Variants in AGBL1 observed in about 807,000 individuals in gnomAD.
The protein encoded by AGBL1 is AGBL carboxypeptidase 1, also known as cytosolic carboxypeptidase 4.
In AGBL1, 130 loss-of-function variants were observed where a neutral mutation model predicts 118.9. The ratio of observed to expected loss-of-function variants is 1.09; its 90% CI spans 0.95 to 1.26. AGBL1 has a LOEUF of 1.26. Ranked by LOEUF, AGBL1 falls within the 50% of genes most tolerant of loss-of-function variation. AGBL1 has a pLI of 0.00. For missense variants in AGBL1, 1,584 were observed against 1,298.1 expected (o/e 1.22, Z -3.38); for synonymous variants, 555 against 478.9 (o/e 1.16, Z -2.08).
intron 5 of AGBL1, among the ~76,000 whole-genome samples, chr15:86,196,557 G>A (rs532181599): frequency 6.6e-6 from 1 of 152,236 alleles, no homozygotes; most frequent in Non-Finnish European, 1.5e-5. Context: ...TAAGCACCTG[G>A]ATACACATGG....
At chr15:86,580,325 T>C (rs2084156033) in intron 21 of AGBL1, among the ~76,000 whole-genome samples, 1 of 152,200 alleles carries the variant, frequency 6.6e-6, no homozygotes, top group African/African-American at 2.4e-5. Context: ...GTATTGAAAG[T>C]ATACTTTTGG....
chr15:86,724,294 A>G (rs906254545), intron 22 of AGBL1, among the ~76,000 whole-genome samples: 1 of 151,944 alleles, frequency 6.6e-6, no homozygotes, highest in Non-Finnish European at 1.5e-5. Context: ...ATGGCTAAAA[A>G]TCAATGACAA....
chr15:86,962,539 A>G (rs943002968), intron 23 of AGBL1, among the ~76,000 whole-genome samples: 3 of 152,048 alleles, frequency 2.0e-5, no homozygotes, highest in African/African-American at 7.2e-5. Flanking sequence ...ATTCTTATTA[A>G]TAACACTTCT....
chr15:86,140,456 C>T (rs1951803018), intron 1 of AGBL1, among the ~76,000 whole-genome samples: 1 of 152,086 alleles, frequency 6.6e-6, no homozygotes, highest in African/African-American at 2.4e-5. Flanking sequence ...TTCCATTCAA[C>T]AAATATTTGC....
In AGBL1 at chr15:86,976,884, C is replaced by T. The variant is rs188352818; in HGVS notation, c.3222-11103C>T. 2.0e-5 allele frequency among the ~76,000 whole-genome samples: 3 copies of T among 152,076 alleles called. No individual in the cohort carries two copies. The East Asian group carries it at 5.8e-4, about 29-fold the overall frequency. On this transcript the variant is annotated intron_variant, in intron 23 of 24. Transcript: ENST00000441037. ...GTGTATGGATCTGTTGCTGTCCTCA[C>T]TCAAGTTGTTTGTCTTCTTAGTGAT...
chr15:86,507,862 G>A (rs754600904), intron 18 of AGBL1, among the ~76,000 whole-genome samples: 1 of 152,030 alleles, frequency 6.6e-6, no homozygotes, highest in Non-Finnish European at 1.5e-5. Context: ...CAGGATTAGG[G>A]GTATGTGATA....
intron 18 of AGBL1, among the ~76,000 whole-genome samples, chr15:86,488,123 G>C (rs561118445): frequency 6.6e-5 from 10 of 152,042 alleles, no homozygotes; most frequent in Non-Finnish European, 1.2e-4. Context: ...ATAACAGCTG[G>C]AAGTTGATGG....
At position 86,353,386 on chromosome 15, in the gene AGBL1, G is replaced by A. The variant is rs57839293; in HGVS notation, c.2375-43980G>A. The stretch of plus-strand genomic sequence containing the variant: ...AATACAAAGCAATATTCTTAATAGC[G>A]AGGATGTATCTAATGGGCTGCCACT... On this transcript the variant is annotated intron_variant, in intron 17 of 22. Transcript: ENST00000614907. Among the ~76,000 whole-genome samples, 713 of 152,286 alleles carry A rather than the reference G, an allele frequency of 4.7e-3. 2 individuals carry two copies. Among genetic ancestry groups the A allele is most frequent in the African/African-American group, 0.016 (664 of 41,560 alleles).
At chr15:86,417,154 T>C (rs1596087805) in intron 18 of AGBL1, among the ~76,000 whole-genome samples, 1 of 152,246 alleles carries the variant, frequency 6.6e-6, no homozygotes, top group African/African-American at 2.4e-5. Flanking sequence ...TGTGAACTTA[T>C]TTCCTCTCAT....
At chr15:86,835,240 G>T (rs2079155136) in intron 22 of AGBL1, among the ~76,000 whole-genome samples, 1 of 151,872 alleles carries the variant, frequency 6.6e-6, no homozygotes, top group Admixed American at 6.6e-5. Context: ...CATATATCTA[G>T]GTCTTTCACA....
chr15:86,905,892 T>C (rs1301156745), intron 22 of AGBL1, among the ~76,000 whole-genome samples: 2 of 152,204 alleles, frequency 1.3e-5, no homozygotes, highest in African/African-American at 4.8e-5. Context: ...AACAATTTAA[T>C]GTTGTGATGC....
chr15:86,102,303 A>C (rs563848848), intron 1 of AGBL1, among the ~76,000 whole-genome samples: 2 of 151,952 alleles, frequency 1.3e-5, no homozygotes, highest in Non-Finnish European at 2.9e-5. Context: ...GGCCTCCCCA[A>C]TTGCTGGGAT....
At position 86,377,424 on chromosome 15, in the gene AGBL1, C is replaced by T. The variant is rs549619886; in HGVS notation, c.2375-19942C>T. Among the ~76,000 whole-genome samples, 16 of 152,210 alleles carry T rather than the reference C, an allele frequency of 1.1e-4. No individual in the cohort carries two copies. The South Asian group carries it at 1.4e-3, about 14-fold the overall frequency. ...GCTGTTGAAGATATGGTAGTTCTCA[C>T]GGCCTGAAGACTGGCCTTGCCTACT... On this transcript the variant is annotated intron_variant, in intron 17 of 22. Transcript: ENST00000614907.
chr15:86,578,358 G>C (rs2084123802), intron 21 of AGBL1, among the ~76,000 whole-genome samples: 1 of 152,206 alleles, frequency 6.6e-6, no homozygotes, highest in African/African-American at 2.4e-5. Context: ...CCCAATGCCT[G>C]TATCCCCATT....
chr15:86,265,519 A>G (rs887362254), intron 11 of AGBL1, among the ~76,000 whole-genome samples: 2 of 152,258 alleles, frequency 1.3e-5, no homozygotes, highest in Non-Finnish European at 2.9e-5. Flanking sequence ...TGCACATACC[A>G]AGTCAATGGA....
chr15:87,005,872 G>T (rs778613941), intron 24 of AGBL1, among the ~76,000 whole-genome samples: 1 of 152,120 alleles, frequency 6.6e-6, no homozygotes, highest in Non-Finnish European at 1.5e-5. Context: ...ATGGGGTTTT[G>T]GTGTGGATAT....
At chr15:86,443,358 G>T (rs1177519309) in intron 18 of AGBL1, among the ~76,000 whole-genome samples, 1 of 151,928 alleles carries the variant, frequency 6.6e-6, no homozygotes, top group Non-Finnish European at 1.5e-5. Context: ...ACATACTTAC[G>T]GGGTATGTGA....
intron 1 of AGBL1, among the ~76,000 whole-genome samples, chr15:86,120,417 T>G (rs926017746): frequency 6.6e-6 from 1 of 152,214 alleles, no homozygotes; most frequent in Non-Finnish European, 1.5e-5. Flanking sequence ...AGTGAAAAGA[T>G]GGTGTCCCCT....
chr15:86,666,952 G>A (rs1301460302), intron 21 of AGBL1, among the ~76,000 whole-genome samples: 1 of 152,056 alleles, frequency 6.6e-6, no homozygotes, highest in African/African-American at 2.4e-5. Context: ...ATCTTCTCAG[G>A]TTTACAGAGA....
Sources: allele counts gnomAD v4.1 joint callset (sites outside exome capture counted in the v4.1 genomes callset), GRCh38; gene constraint gnomAD v4.1.1; transcripts MANE v1.5; gene names NCBI Gene and HGNC (gene_info 2026-07-23, HGNC 2026-07-21).